Variants in THSD4 observed in about 807,000 individuals in gnomAD.
THSD4 encodes the protein thrombospondin type 1 domain containing 4.
A neutral mutation model predicts 119.0 loss-of-function variants in THSD4; 69 were observed. The ratio of observed to expected loss-of-function variants is 0.58; its 90% CI spans 0.48 to 0.71. The LOEUF is 0.71. Among genes scored for constraint, THSD4 ranks in the 30% least tolerant of loss-of-function variants. The pLI is 0.00. For synonymous variants in THSD4, 524 were observed against 540.4 expected, an observed-to-expected ratio of 0.97 and a Z score of 0.42; for missense variants, 1,393 against 1,391.1, an observed-to-expected ratio of 1.00 and a Z score of -0.02.
chr15:71,203,889 G>A (rs564860382), intron 3 of THSD4, among the ~76,000 whole-genome samples: 4 of 152,296 alleles, frequency 2.6e-5, no homozygotes, highest in African/African-American at 7.2e-5. Context: ...GGGGCTTTCT[G>A]GGGAGTGCTG....
At chr15:71,380,823 C>A (rs900378138) in intron 6 of THSD4, among the ~76,000 whole-genome samples, 3 of 152,200 alleles carry the variant, frequency 2.0e-5, no homozygotes, top group African/African-American at 7.2e-5. Context: ...TGCCACCCAC[C>A]ACTTAGGATG....
chr15:71,518,731 G>C (rs1216794078), intron 7 of THSD4, among the ~76,000 whole-genome samples: 1 of 152,096 alleles, frequency 6.6e-6, no homozygotes, highest in East Asian at 1.9e-4. Flanking sequence ...TTTCTCAAAG[G>C]CAACACAGTC....
rs1596328651 is a variant in THSD4, at chr15:71,309,912, A to G, written c.1015+53197A>G. ...AACAGCCCCAGTGCTGACCTCTGCT[A>G]CTTTCCTCCCTACCTCATGTACTCG... On this transcript the variant is annotated intron_variant, in intron 6 of 17. Coordinates refer to ENST00000261862, the MANE Select transcript of THSD4 (RefSeq NM_024817.3). Among the ~76,000 whole-genome samples, 4 of 152,200 alleles carry G rather than the reference A, an allele frequency of 2.6e-5. No individual in the cohort carries two copies. In the South Asian group the frequency reaches 8.3e-4, roughly 32 times the overall value.
At chr15:71,396,292 G>A (rs766046392) in intron 6 of THSD4, among the ~76,000 whole-genome samples, 4 of 146,848 alleles carry the variant, frequency 2.7e-5, no homozygotes, top group African/African-American at 7.6e-5. Flanking sequence ...ATGTACATGC[G>A]TACATATGCA....
intron 7 of THSD4, among the ~76,000 whole-genome samples, chr15:71,480,202 A>G (rs1184566914): frequency 1.3e-5 from 2 of 152,106 alleles, no homozygotes; most frequent in Non-Finnish European, 2.9e-5. Context: ...ATGCCTGGCT[A>G]ATTTTTGTTA....
chr15:71,250,076 A>G (rs1361856425), intron 5 of THSD4, among the ~76,000 whole-genome samples: 2 of 152,224 alleles, frequency 1.3e-5, no homozygotes, highest in Non-Finnish European at 2.9e-5. Context: ...CTTTCCATGC[A>G]TTATACATTT....
intron 1 of THSD4, among the ~76,000 whole-genome samples, chr15:71,120,527 G>T (rs1240166740): frequency 6.6e-6 from 1 of 152,230 alleles, no homozygotes; most frequent in Non-Finnish European, 1.5e-5. Context: ...CTTGTCCCAG[G>T]AGGGTGGCAC....
At chr15:71,389,004 C>T (rs1011508176) in intron 6 of THSD4, among the ~76,000 whole-genome samples, 6 of 152,046 alleles carry the variant, frequency 3.9e-5, no homozygotes, top group Non-Finnish European at 8.8e-5. Context: ...TTGCTTGGTT[C>T]TCATTCTCTC....
At chr15:71,745,828 A>G (rs1483920892) in intron 12 of THSD4, among the ~76,000 whole-genome samples, 2 of 152,140 alleles carry the variant, frequency 1.3e-5, no homozygotes, top group African/African-American at 4.8e-5. Flanking sequence ...TATTTTTTGT[A>G]GGGACAGGGT....
At chr15:71,708,596 A>G (rs1429556111) in intron 8 of THSD4, among the ~76,000 whole-genome samples, 1 of 152,222 alleles carries the variant, frequency 6.6e-6, no homozygotes, top group African/African-American at 2.4e-5. Flanking sequence ...CATGTCAGGA[A>G]CCAAAAGGAG....
At chr15:71,656,020 T>A (rs1223190790) in intron 7 of THSD4, among the ~76,000 whole-genome samples, 1 of 152,180 alleles carries the variant, frequency 6.6e-6, no homozygotes, top group Non-Finnish European at 1.5e-5. Context: ...CAACATTCTT[T>A]CCATTATTCC....
intron 3 of THSD4, among the ~76,000 whole-genome samples, chr15:71,169,892 G>A (rs2043337669): frequency 6.6e-6 from 1 of 152,094 alleles, no homozygotes. Flanking sequence ...CCAGCAAGAT[G>A]GCCAGGCATG....
intron 6 of THSD4, among the ~76,000 whole-genome samples, chr15:71,307,951 A>G (rs1017091675): frequency 4.6e-5 from 7 of 152,156 alleles, no homozygotes; most frequent in Non-Finnish European, 7.4e-5. Context: ...TCCCAGCAAC[A>G]ATGTGTGATG....
intron 6 of THSD4, among the ~76,000 whole-genome samples, chr15:71,405,855 T>G (rs571668426): frequency 6.6e-6 from 1 of 152,360 alleles, no homozygotes; most frequent in South Asian, 2.1e-4. Flanking sequence ...GAATAAATCT[T>G]CTTTAATTAA....
intron 1 of THSD4, among the ~76,000 whole-genome samples, chr15:71,135,545 T>C (rs928317437): frequency 2.4e-4 from 36 of 152,146 alleles, no homozygotes; most frequent in African/African-American, 8.0e-4. Flanking sequence ...GCCCACCATA[T>C]TGTTTATGAG....
intron 7 of THSD4, among the ~76,000 whole-genome samples, chr15:71,570,712 G>C (rs1376205424): frequency 6.6e-6 from 1 of 152,208 alleles, no homozygotes; most frequent in Non-Finnish European, 1.5e-5. Flanking sequence ...GTTCAGGTGA[G>C]TTGTCTACTC....
chr15:71,292,015 A>G (rs1279278333), intron 6 of THSD4, among the ~76,000 whole-genome samples: 1 of 152,172 alleles, frequency 6.6e-6, no homozygotes, highest in Admixed American at 6.5e-5. Context: ...CGAGGGAAGT[A>G]TTGTTTTAGC....
intron 8 of THSD4, among the ~76,000 whole-genome samples, chr15:71,703,913 G>C (rs1430974757): frequency 1.3e-5 from 2 of 152,114 alleles, no homozygotes; most frequent in East Asian, 3.9e-4. Flanking sequence ...GCAGTGGCGC[G>C]ATCTCTGCTC....
At chr15:71,429,751 A>G (rs944215292) in intron 7 of THSD4, among the ~76,000 whole-genome samples, 2 of 152,110 alleles carry the variant, frequency 1.3e-5, no homozygotes, top group African/African-American at 4.8e-5. Context: ...GACTGTGGAG[A>G]GGAAAATAGA....
Sources: allele counts gnomAD v4.1 joint callset (sites outside exome capture counted in the v4.1 genomes callset), GRCh38; gene constraint gnomAD v4.1.1; transcripts MANE v1.5; gene names NCBI Gene and HGNC (gene_info 2026-07-23, HGNC 2026-07-21).